TBC1D5: variants seen among roughly 807,000 people sequenced by gnomAD.
TBC1D5 encodes the protein TBC1 domain family, member 5.
A neutral mutation model predicts 100.3 loss-of-function variants in TBC1D5; 75 were observed. The observed-to-expected ratio is 0.75, with a 90% confidence interval of 0.62 to 0.91. The LOEUF is 0.91. Ranked by LOEUF, TBC1D5 falls within the 40% of genes least tolerant of loss-of-function variation. The pLI is 0.00. For synonymous variants in TBC1D5, 323 were observed against 325.6 expected (o/e 0.99, Z 0.09); for missense variants, 910 against 942.4 (o/e 0.97, Z 0.45).
At chr3:17,733,100 G>C (rs2076694262) in intron 1 of TBC1D5, among the ~76,000 whole-genome samples, 1 of 152,206 alleles carries the variant, frequency 6.6e-6, no homozygotes, top group Admixed American at 6.5e-5. Flanking sequence ...AAATCAGTAA[G>C]AGGGCAGAAT....
chr3:17,410,089 T>C (rs539788566), intron 4 of TBC1D5, among the ~76,000 whole-genome samples: 1 of 152,244 alleles, frequency 6.6e-6, no homozygotes, highest in South Asian at 2.1e-4. Context: ...GGACAGGCTG[T>C]TCTCTTGTTA....
intron 1 of TBC1D5, among the ~76,000 whole-genome samples, chr3:17,688,838 G>T (rs564628060): frequency 6.6e-6 from 1 of 152,074 alleles, no homozygotes; most frequent in East Asian, 1.9e-4. Flanking sequence ...ATATTTCTCA[G>T]CCTATTTTTA....
At chr3:17,377,536 A>G (rs558105713) in intron 9 of TBC1D5, among the ~76,000 whole-genome samples, 1 of 152,198 alleles carries the variant, frequency 6.6e-6, no homozygotes, top group Non-Finnish European at 1.5e-5. Context: ...CTTAGTAACT[A>G]GGGATGCTCT....
At chr3:17,660,470 A>ACCAAACAGCACATGGT (rs1260996193) in intron 1 of TBC1D5, among the ~76,000 whole-genome samples, 1 of 152,218 alleles carries the variant, frequency 6.6e-6, no homozygotes, top group Non-Finnish European at 1.5e-5. Flanking sequence ...ACTTAATTAA[A>ACCAAACAGCACATGGT]CCAAACAGCA....
intron 1 of TBC1D5, among the ~76,000 whole-genome samples, chr3:17,679,982 C>T (rs1350804044): frequency 1.3e-5 from 2 of 151,540 alleles, no homozygotes; most frequent in Non-Finnish European, 1.5e-5. Flanking sequence ...TGTGAAACTT[C>T]CTTATGGAGC....
intron 15 of TBC1D5, among the ~76,000 whole-genome samples, chr3:17,287,676 T>C (rs1441328179): frequency 6.6e-6 from 1 of 152,232 alleles, no homozygotes; most frequent in African/African-American, 2.4e-5. Flanking sequence ...CCTATTATTA[T>C]AGTTTTTAGG....
chr3:17,443,903 C>T (rs2094722081), intron 3 of TBC1D5, among the ~76,000 whole-genome samples: 1 of 152,072 alleles, frequency 6.6e-6, no homozygotes, highest in Non-Finnish European at 1.5e-5. Context: ...ATGAAATGAA[C>T]GGAGTGTCAA....
intron 17 of TBC1D5, among the ~76,000 whole-genome samples, chr3:17,232,474 T>C (rs1464647808): frequency 6.6e-6 from 1 of 152,160 alleles, no homozygotes; most frequent in Non-Finnish European, 1.5e-5. Flanking sequence ...AGAGAAATCA[T>C]GTAGACATTA....
chr3:17,430,631 A>C (rs1234977470), intron 3 of TBC1D5, among the ~76,000 whole-genome samples: 1 of 151,930 alleles, frequency 6.6e-6, no homozygotes, highest in Non-Finnish European at 1.5e-5. Flanking sequence ...AAGGCAATAA[A>C]GTTTTGAAGC....
intron 4 of TBC1D5, among the ~76,000 whole-genome samples, chr3:17,412,065 T>C (rs1404066100): frequency 1.3e-5 from 2 of 152,214 alleles, no homozygotes; most frequent in Non-Finnish European, 2.9e-5. Flanking sequence ...CTCACAGGCA[T>C]ATTTTTTAAA....
intron 2 of TBC1D5, among the ~76,000 whole-genome samples, chr3:17,573,669 A>G (rs2153514565): frequency 6.6e-6 from 1 of 152,152 alleles, no homozygotes; most frequent in East Asian, 1.9e-4. Flanking sequence ...GGGCCACCCC[A>G]GGCAGTATTT....
chr3:17,224,796 A>G (rs1220419115), intron 17 of TBC1D5, among the ~76,000 whole-genome samples: 1 of 152,200 alleles, frequency 6.6e-6, no homozygotes, highest in East Asian at 1.9e-4. Flanking sequence ...AACAACACCC[A>G]GAGGTTTCTT....
At chr3:17,343,183 T>C (rs7621978) in intron 13 of TBC1D5, among the ~76,000 whole-genome samples, 13,134 of 151,446 alleles carry the variant, frequency 0.087, 1,109 homozygotes, top group African/African-American at 0.25. Flanking sequence ...TGAAGCGTTG[T>C]TGAATTTTGT....
chr3:17,184,243 G>T (rs1445268427), intron 19 of TBC1D5, among the ~76,000 whole-genome samples: 1 of 152,154 alleles, frequency 6.6e-6, no homozygotes, highest in Non-Finnish European at 1.5e-5. Flanking sequence ...CATGCAAAAT[G>T]AACTTCAAAC....
At chr3:17,472,736 A>C (rs989568607) in intron 3 of TBC1D5, among the ~76,000 whole-genome samples, 2 of 152,244 alleles carry the variant, frequency 1.3e-5, no homozygotes, top group African/African-American at 4.8e-5. Context: ...ATAAACAGCT[A>C]CTGAAAGAAG....
chr3:17,579,312 G>A (rs2096677516), intron 2 of TBC1D5, among the ~76,000 whole-genome samples: 1 of 151,998 alleles, frequency 6.6e-6, no homozygotes, highest in Non-Finnish European at 1.5e-5. Context: ...TTTTACACAG[G>A]TGAATGTAAA....
At chr3:17,592,243 G>T (rs1252690793) in intron 2 of TBC1D5, among the ~76,000 whole-genome samples, 1 of 152,204 alleles carries the variant, frequency 6.6e-6, no homozygotes, top group African/African-American at 2.4e-5. Flanking sequence ...GATTTCGACA[G>T]CTTTTTGCTT....
At chr3:17,471,742 T>C (rs2095377364) in intron 3 of TBC1D5, among the ~76,000 whole-genome samples, 2 of 151,110 alleles carry the variant, frequency 1.3e-5, no homozygotes, top group African/African-American at 4.9e-5. Context: ...CACAATACCA[T>C]GTAATTTAAA....
exon 22 of TBC1D5, chr3:17,160,282 A>C (rs2065918162): frequency 1.3e-5 from 2 of 152,226 alleles, no homozygotes; most frequent in Non-Finnish European, 2.9e-5. Flanking sequence ...ACATCAAAAA[A>C]ATCTAACACT....
Sources: gnomAD v4.1 joint callset for allele counts (sites outside exome capture counted in the v4.1 genomes callset) on GRCh38, gnomAD v4.1.1 for gene constraint, MANE v1.5 for transcripts, NCBI Gene and HGNC (gene_info 2026-07-23, HGNC 2026-07-21) for gene names.